The following PCDH7 variants were observed in gnomAD, a reference collection of about 807,000 sequenced individuals.
PCDH7 encodes protocadherin 7.
A neutral mutation model predicts 58.9 loss-of-function variants in PCDH7; 17 were observed. That is an observed-to-expected ratio of 0.29 (90% CI 0.20 to 0.43). PCDH7 has a LOEUF of 0.43. Among genes scored for constraint, PCDH7 ranks in the 20% least tolerant of loss-of-function variants. The pLI, the probability that PCDH7 is intolerant of heterozygous loss-of-function variation, is 1.00. For synonymous variants in PCDH7, 664 were observed against 616.4 expected, an observed-to-expected ratio of 1.08 and a Z score of -1.14; for missense variants, 1,274 against 1,441.0, an observed-to-expected ratio of 0.88 and a Z score of 1.88.
At position 31,136,924 on chromosome 4, in the gene PCDH7, AG is replaced by A. The variant is rs557666001; in HGVS notation, c.*8-5548del. Among the ~76,000 whole-genome samples the A allele has an allele frequency of 5.3e-3, 807 of 152,286 alleles. 7 individuals are homozygous for A. The highest frequency in any genetic ancestry group is 0.018 in the African/African-American group (755 of 41,546). On this transcript the variant is annotated intron_variant, in intron 3 of 3. Transcript: ENST00000509759. ...ACCAGCATTTAATTATTTTTTTCTC[AG>A]CCCTATCATATAAAATAAAAGTAAA...
At chr4:30,988,299 A>G (rs1355177674) in intron 3 of PCDH7, among the ~76,000 whole-genome samples, 1 of 152,186 alleles carries the variant, frequency 6.6e-6, no homozygotes, top group Non-Finnish European at 1.5e-5. Context: ...ATTTTTCTGT[A>G]TGATGAATTA....
chr4:31,039,919 T>C (rs1201340012), intron 3 of PCDH7, among the ~76,000 whole-genome samples: 3 of 152,138 alleles, frequency 2.0e-5, no homozygotes, highest in Non-Finnish European at 4.4e-5. Context: ...AAACTAAGAT[T>C]GTTCTCCCCT....
At chr4:31,071,579 T>G (rs973470167) in intron 3 of PCDH7, among the ~76,000 whole-genome samples, 1 of 152,060 alleles carries the variant, frequency 6.6e-6, no homozygotes, top group South Asian at 2.1e-4. Flanking sequence ...TTCTGTTTGC[T>G]TTTGATGTTT....
intron 3 of PCDH7, among the ~76,000 whole-genome samples, chr4:31,136,762 G>A (rs978711203): frequency 3.3e-5 from 5 of 152,010 alleles, no homozygotes; most frequent in East Asian, 1.9e-4. Flanking sequence ...TCCCCAAACC[G>A]GCAAAAGGCA....
At chr4:30,959,632 C>T (rs1051584312) in intron 3 of PCDH7, among the ~76,000 whole-genome samples, 2 of 152,216 alleles carry the variant, frequency 1.3e-5, no homozygotes, top group East Asian at 1.9e-4. Flanking sequence ...CTTCCAGAAG[C>T]CTGATGGCAT....
At chr4:31,110,906 C>T (rs1215316629) in intron 3 of PCDH7, among the ~76,000 whole-genome samples, 5 of 145,538 alleles carry the variant, frequency 3.4e-5, no homozygotes, top group Non-Finnish European at 6.0e-5. Context: ...CAGAGCGAGA[C>T]TATGTCTAAA....
intron 3 of PCDH7, among the ~76,000 whole-genome samples, chr4:31,085,478 G>A (rs1049986419): frequency 6.6e-6 from 1 of 152,112 alleles, no homozygotes; most frequent in Non-Finnish European, 1.5e-5. Context: ...TACTGTCTTT[G>A]TTTAAACTAT....
chr4:31,069,772 T>A (rs1758390533), intron 3 of PCDH7, among the ~76,000 whole-genome samples: 1 of 151,942 alleles, frequency 6.6e-6, no homozygotes, highest in Non-Finnish European at 1.5e-5. Flanking sequence ...ATGGTTGTAC[T>A]TATGTTAATT....
intron 3 of PCDH7, among the ~76,000 whole-genome samples, chr4:30,965,707 G>A (rs1040047818): frequency 6.6e-6 from 1 of 151,998 alleles, no homozygotes. Flanking sequence ...TACAAAACTT[G>A]TCAACTGGAA....
At chr4:31,114,966 C>T (rs1446078088) in intron 3 of PCDH7, among the ~76,000 whole-genome samples, 1 of 152,122 alleles carries the variant, frequency 6.6e-6, no homozygotes, top group East Asian at 1.9e-4. Context: ...AGCTATTCAA[C>T]GCCCTTTGTC....
chr4:30,731,946 A>T (rs1019006187), exon 2 of PCDH7: 2 of 152,164 alleles, frequency 1.3e-5, no homozygotes, highest in Non-Finnish European at 2.9e-5. Flanking sequence ...CTGCCCTATT[A>T]AAATTTTCCA....
At chr4:30,765,970 C>G (rs1284446544) in intron 1 of PCDH7, among the ~76,000 whole-genome samples, 1 of 151,982 alleles carries the variant, frequency 6.6e-6, no homozygotes, top group African/African-American at 2.4e-5. Flanking sequence ...TGGGAGGGAG[C>G]AGGGAAGAGC....
chr4:30,730,869 G>T, exon 2 of PCDH7: 1 of 1,483,618 alleles, frequency 6.7e-7, no homozygotes, highest in South Asian at 1.5e-5. Flanking sequence ...GCCTGCCCTT[G>T]GCCGTGGGGT....
chr4:30,916,503 A>G (rs767203415), intron 1 of PCDH7, among the ~76,000 whole-genome samples: 10 of 152,172 alleles, frequency 6.6e-5, no homozygotes, highest in Non-Finnish European at 1.3e-4. Context: ...TTGTCTTCAT[A>G]ATTTCAAAGA....
At chr4:30,974,812 G>A (rs1229953792) in intron 3 of PCDH7, among the ~76,000 whole-genome samples, 1 of 150,494 alleles carries the variant, frequency 6.6e-6, no homozygotes, top group African/African-American at 2.4e-5. Flanking sequence ...AGGACATAGG[G>A]TGGGCGATGG....
In PCDH7 at chr4:30,748,946, A is replaced by G. The variant is rs200512075; in HGVS notation, c.70+24350A>G. Among the ~76,000 whole-genome samples, 4 of 152,176 alleles carry G rather than the reference A, an allele frequency of 2.6e-5. No individual in the cohort carries two copies. The East Asian group carries it at 7.7e-4, about 29-fold the overall frequency. On this transcript the variant is annotated intron_variant, in intron 1 of 3. Coordinates refer to the PCDH7 transcript ENST00000509759. ...GATGTAGTTATATCTGGCACTAGTC[A>G]TAATTCTTTCCTCTCTTACAACTAT...
chr4:30,990,796 AT>A (rs1395477838), intron 3 of PCDH7, among the ~76,000 whole-genome samples: 1 of 152,190 alleles, frequency 6.6e-6, no homozygotes, highest in Non-Finnish European at 1.5e-5. Context: ...CTTCTGCTTA[AT>A]GGCCTCACAA....
chr4:30,904,774 A>G (rs1169931964), intron 1 of PCDH7, among the ~76,000 whole-genome samples: 1 of 152,186 alleles, frequency 6.6e-6, no homozygotes, highest in Non-Finnish European at 1.5e-5. Flanking sequence ...CAAATGAGTG[A>G]TGGGAGTGGC....
At chr4:31,007,220 G>A (rs1476637916) in intron 3 of PCDH7, among the ~76,000 whole-genome samples, 1 of 152,152 alleles carries the variant, frequency 6.6e-6, no homozygotes, top group African/African-American at 2.4e-5. Flanking sequence ...CTGTAACATG[G>A]AGATAATAAT....
Sources: allele counts gnomAD v4.1 joint callset (sites outside exome capture counted in the v4.1 genomes callset), GRCh38; gene constraint gnomAD v4.1.1; transcripts MANE v1.5; gene names NCBI Gene and HGNC (gene_info 2026-07-23, HGNC 2026-07-21).